Variants in PCID2 observed in about 807,000 individuals in gnomAD.
The protein encoded by PCID2 is PCI domain containing 2.
PCID2 carries 41 observed loss-of-function variants against 61.3 expected under a neutral mutation model. That is an observed-to-expected ratio of 0.67 (90% CI 0.52 to 0.87). PCID2 has a LOEUF of 0.87. PCID2 is among the 40% of genes least tolerant of loss of function. The pLI is 0.00. For synonymous variants in PCID2, 187 were observed against 177.8 expected (o/e 1.05, Z -0.41); for missense variants, 392 against 493.4 (o/e 0.79, Z 1.95).
At chr13:113,171,362 GAACT>G in the PCID2 span, among the ~76,000 whole-genome samples, 18 of 152,284 alleles carry the variant, frequency 1.2e-4, no homozygotes, top group African/African-American at 3.4e-4. This position sits in a 1 kb window ranked among gnomAD's most constrained non-coding sequence, Gnocchi z 5.1. Flanking sequence ...CAAAACAGAA[GAACT>G]AACCTTGACT....
chr13:113,192,744 G>A lies in PCID2; in HGVS notation c.364-1769C>T, dbSNP rs560105102. Reference sequence around the variant, plus strand: ...TTTTAACAGTGGTATATCAGCACTTGGGAGGTGCTGCATGGCTCAGTAAGC... The same window carrying A: ...TTTTAACAGTGGTATATCAGCACTTAGGAGGTGCTGCATGGCTCAGTAAGC... On this transcript the variant is annotated intron_variant, in intron 6 of 13. Coordinates refer to ENST00000337344, the MANE Select transcript of PCID2 (RefSeq NM_001127202.4). 5.3e-5 allele frequency among the ~76,000 whole-genome samples: 8 copies of A among 152,308 alleles called. No individual in the cohort carries two copies. The South Asian group carries it at 1.7e-3, about 32-fold the overall frequency.
chr13:113,183,728 C>G (rs368881433), intron 9 of PCID2: 1 of 980,996 alleles, frequency 1.0e-6, no homozygotes, highest in Non-Finnish European at 1.2e-6. Flanking sequence ...AGAATGATGC[C>G]GTGACAGCCG....
rs148595326 is a variant in PCID2 at position 113,197,064 on chromosome 13, T to C, written c.266+114A>G. ...GAGCTTCTGTTCCAAAACACTGTCATTCCTTTCTAACTGCAGAAATGAGCA... is the reference window on the plus strand; with the variant it reads ...GAGCTTCTGTTCCAAAACACTGTCACTCCTTTCTAACTGCAGAAATGAGCA... On this transcript the variant is annotated intron_variant, in intron 4 of 13. Coordinates refer to ENST00000337344, the MANE Select transcript of PCID2 (RefSeq NM_001127202.4). 3.0e-5 allele frequency: 48 copies of C among 1,614,250 alleles called. No homozygotes were observed. In the African/African-American group the frequency reaches 6.1e-4, roughly 21 times the overall value.
At chr13:113,196,984 G>C (rs1307828607) in intron 4 of PCID2, 194 bp downstream of exon 4, 18 of 1,427,814 alleles carry the variant, frequency 1.3e-5, no homozygotes, top group Non-Finnish European at 1.8e-5. Flanking sequence ...ACTAAGTACT[G>C]CACGAGTCTT....
Position 113,184,451 on chromosome 13 carries a change from C to G in PCID2, c.580G>C (p.Ala194Pro). The change falls in exon 9 of 14, where the codon GCA becomes CCA. Residue 194 changes from alanine to proline, a missense_variant. Ala to Pro is a conservative substitution (Grantham distance 27, BLOSUM62 -1). Around this residue, in one of 3 missense-constraint regions of PCID2, gnomAD observed 226 missense variants for 296.5 expected, o/e 0.76. Coordinates refer to ENST00000337344, the MANE Select transcript of PCID2 (RefSeq NM_001127202.4). The stretch of plus-strand genomic sequence containing the variant: ...TCTTTCAGGTTTGAGCTGTCAATTG[C>G]TCTAATTAGGGGTTTACATAAATGG... The part of the protein sequence containing the change: ...KLHLCKPLIR[A>P]IDSSNLKDDY... 9 of 1,591,426 alleles carry G rather than the reference C, an allele frequency of 5.7e-6. No individual in the cohort carries two copies. The highest frequency in any genetic ancestry group is 7.8e-6 in the Non-Finnish European group (9 of 1,159,232).
intron 10 of PCID2, 56 bp from the exon 11 acceptor site, chr13:113,180,287 G>A (rs1595151996): frequency 7.6e-7 from 1 of 1,321,410 alleles, no homozygotes; most frequent in East Asian, 2.3e-5. Context: ...AATTGTCCTT[G>A]ATAAATATTC....
chr13:113,185,906 T>C, intron 7 of PCID2: 1 of 191,398 alleles, frequency 5.2e-6, no homozygotes, highest in Non-Finnish European at 1.1e-5. Context: ...AATGGAAAAA[T>C]AGGGCATGGT....
At chr13:113,196,277 AAAAGT>A (rs763882037) in intron 4 of PCID2, 55 bp from the exon 5 acceptor site, 16 of 1,302,304 alleles carry the variant, frequency 1.2e-5, no homozygotes, top group Admixed American at 5.2e-5. Context: ...TACGTACGAT[AAAAGT>A]AAAGAATAAG....
In PCID2 at chr13:113,179,548, T is replaced by C. The variant is rs1430286716; in HGVS notation, c.986+369A>G. Among the ~76,000 whole-genome samples the C allele has an allele frequency of 6.6e-6, 1 of 152,108 alleles. No individual in the cohort carries two copies. The highest frequency in any genetic ancestry group is 1.9e-4 in the East Asian group (1 of 5,184). The stretch of plus-strand genomic sequence containing the variant: ...GGAATGACGATCTCTGCATCTGCCT[T>C]TGTGACAGGCAGAAGTGGCTGGGAG... On this transcript the variant is annotated intron_variant, in intron 12 of 13. Coordinates refer to ENST00000337344, the MANE Select transcript of PCID2 (RefSeq NM_001127202.4). The surrounding 1 kb of genome is among the most constrained non-coding windows in gnomAD (Gnocchi z 4.3).
chr13:113,198,007 A>G (rs1458680072), intron 3 of PCID2, among the ~76,000 whole-genome samples, 184 bp downstream of exon 3: 1 of 151,408 alleles, frequency 6.6e-6, no homozygotes, highest in Non-Finnish European at 1.5e-5. Flanking sequence ...TGTTAAAAAT[A>G]GTATTATATA....
chr13:113,178,615 G>A, intron 13 of PCID2: 1 of 352,282 alleles, frequency 2.8e-6, no homozygotes, highest in South Asian at 3.0e-5. Context: ...AGTATTTTAA[G>A]TAACCTAGAG....
chr13:113,200,626 T>C (rs572030236), intron 1 of PCID2, 110 bp from the exon 2 acceptor site: 2 of 696,688 alleles, frequency 2.9e-6, no homozygotes, highest in South Asian at 1.7e-5. Context: ...TTCCCCTACT[T>C]TGAAAGAAGA....
intron 6 of PCID2, among the ~76,000 whole-genome samples, chr13:113,194,835 C>G (rs2038890295): frequency 6.6e-6 from 1 of 152,182 alleles, no homozygotes; most frequent in Non-Finnish European, 1.5e-5. Context: ...TGGTTAACCA[C>G]AAAATGGAAC....
intron 2 of PCID2, 46 bp downstream of exon 2, chr13:113,200,381 C>G (rs1318040691): frequency 9.1e-7 from 1 of 1,094,642 alleles, no homozygotes; most frequent in South Asian, 1.3e-5. Flanking sequence ...AAGTGGTTAC[C>G]CTGTAATTGT....
At chr13:113,165,027 T>C in the PCID2 span, 15 of 1,612,000 alleles carry the variant, frequency 9.3e-6, no homozygotes, top group Non-Finnish European at 1.3e-5. Flanking sequence ...CTGATTTTTA[T>C]TCTCATGTTG....
At chr13:113,204,381 A>T (rs2039649068) in intron 1 of PCID2, among the ~76,000 whole-genome samples, 1 of 152,230 alleles carries the variant, frequency 6.6e-6, no homozygotes, top group African/African-American at 2.4e-5. Flanking sequence ...ATGACTAAAC[A>T]CACTGGGGAC....
At position 113,179,732 on chromosome 13, in the gene PCID2, C is replaced by G. The variant is rs2037449075; in HGVS notation, c.986+185G>C. Among the ~76,000 whole-genome samples, 1 of 152,206 alleles carries G rather than the reference C, an allele frequency of 6.6e-6. No homozygotes were observed. Among genetic ancestry groups the G allele is most frequent in the South Asian group, 2.1e-4 (1 of 4,830 alleles). ...AAGTCCAGGCACAGCTTGTGCTACT[C>G]ACGTGTCTCGCGCAGGGTCCCCAGG... On this transcript the variant is annotated intron_variant, in intron 12 of 13. Coordinates refer to ENST00000337344, the MANE Select transcript of PCID2 (RefSeq NM_001127202.4). The surrounding 1 kb of genome is among the most constrained non-coding windows in gnomAD (Gnocchi z 4.3).
chr13:113,185,751 G>C (rs1341957916), intron 7 of PCID2, 191 bp from the exon 8 acceptor site: 1 of 459,652 alleles, frequency 2.2e-6, no homozygotes, highest in Admixed American at 3.7e-5. Flanking sequence ...TGTCTTACCT[G>C]ATGGGTAAAA....
rs369057180 is a variant in PCID2, at chr13:113,208,658, G to C, written c.-24C>G. On this transcript the variant is annotated 5_prime_UTR_variant, in exon 1 of 14. Transcript: ENST00000337344. The stretch of plus-strand genomic sequence containing the variant: ...ATGGGAGCGCCGCCGAACGGAGAGC[G>C]CCACCCCCTACGCCTCAAGCGGGCC... 13 of 1,602,050 alleles carry C rather than the reference G, an allele frequency of 8.1e-6. No individual in the cohort carries two copies. The African/African-American group carries it at 1.7e-4, about 22-fold the overall frequency.
Sources: allele counts gnomAD v4.1 joint callset (sites outside exome capture counted in the v4.1 genomes callset), GRCh38; gene constraint gnomAD v4.1.1; regional missense constraint gnomAD v4.1.1; non-coding constraint Gnocchi (gnomAD v3.1); transcripts MANE v1.5; gene names NCBI Gene and HGNC (gene_info 2026-07-23, HGNC 2026-07-21).